NOTCH2: variants seen among roughly 807,000 people sequenced by gnomAD.
NOTCH2 encodes the protein notch receptor 2, also known as neurogenic locus notch homolog protein 2.
NOTCH2 carries 29 observed loss-of-function variants against 235.8 expected under a neutral mutation model. The ratio of observed to expected loss-of-function variants is 0.12; its 90% confidence interval spans 0.09 to 0.17. The LOEUF (loss-of-function observed/expected upper bound fraction) is 0.17, where lower values mean the gene tolerates loss of function less well. NOTCH2 is among the 10% of genes least tolerant of loss of function. The pLI, the probability that NOTCH2 is intolerant of heterozygous loss-of-function variation, is 1.00. For synonymous variants in NOTCH2, 1,086 were observed against 1,141.5 expected, an observed-to-expected ratio of 0.95 and a Z score of 0.98; for missense variants, 2,285 against 3,150.2, an observed-to-expected ratio of 0.73 and a Z score of 6.57.
At chr1:120,014,125 T>C (rs1183276659) in intron 2 of NOTCH2, among the ~76,000 whole-genome samples, 3 of 152,136 alleles carry the variant, frequency 2.0e-5, no homozygotes, top group African/African-American at 4.8e-5. Flanking sequence ...TACTCTCTCT[T>C]CTCTAGCATT....
chr1:120,042,047 TC>T (rs1362109545), intron 1 of NOTCH2, among the ~76,000 whole-genome samples: 4 of 135,666 alleles, frequency 2.9e-5, no homozygotes, highest in Non-Finnish European at 6.2e-5. Flanking sequence ...ACCTTCCATT[TC>T]ATCTGCTTTG....
chr1:119,998,685 T>TTTA (rs758113130), intron 3 of NOTCH2, among the ~76,000 whole-genome samples: 459 of 150,038 alleles, frequency 3.1e-3, no homozygotes, highest in African/African-American at 8.3e-3. Flanking sequence ...TCCTTGAATT[T>TTTA]TTATTATTAT....
chr1:120,014,388 A>G (rs1274045275), intron 2 of NOTCH2, among the ~76,000 whole-genome samples: 3 of 152,264 alleles, frequency 2.0e-5, no homozygotes, highest in South Asian at 2.1e-4. Context: ...CACGGGCAAC[A>G]TGGTGAGAAC....
rs974114448 is a variant in NOTCH2 at position 119,922,220 on chromosome 1, T to G, written c.5213+16A>C. 3 of 1,612,362 alleles carry G rather than the reference T, an allele frequency of 1.9e-6. No homozygotes were observed. The highest frequency in any genetic ancestry group is 2.5e-6 in the Non-Finnish European group (3 of 1,178,934). The stretch of plus-strand genomic sequence containing the variant: ...ACTTATACTGTGAATAGTGGCTTAT[T>G]GGCAATGCCTCTTACTTCAGCCCCA... On this transcript the variant is annotated intron_variant, in intron 28 of 33. Coordinates refer to ENST00000256646, the MANE Select transcript of NOTCH2 (RefSeq NM_024408.4).
chr1:119,924,990 C>CT (rs1203639760), intron 25 of NOTCH2, among the ~76,000 whole-genome samples: 1 of 152,178 alleles, frequency 6.6e-6, no homozygotes, highest in Non-Finnish European at 1.5e-5. Flanking sequence ...TCCATCCATC[C>CT]TGCAGGCAGG....
chr1:119,917,714 G>C lies in NOTCH2; in HGVS notation c.5978C>G (p.Thr1993Ser), dbSNP rs587652279. 25 of 1,613,964 alleles carry C rather than the reference G, an allele frequency of 1.5e-5. 1 individual carries two copies. In the South Asian group the frequency reaches 2.6e-4, roughly 17 times the overall value. The change falls in exon 33 of 34, where the codon ACT becomes AGT. Residue 1993 changes from threonine to serine, a missense_variant. By Grantham distance (58) the Thr-to-Ser change is moderately conservative (BLOSUM62 1). Transcript: ENST00000256646. ...WAAAVNNVEA[T>S]LLLLKNGANR... ...GGCCCCATTTTTCAACAACAAAAGA[G>C]TTGCCTCCACATTATTGACAGCAGC... is the stretch of plus-strand genomic sequence containing the variant.
At chr1:119,921,900 G>A in intron 28 of NOTCH2, 91 bp from the exon 29 acceptor site, 1 of 1,103,880 alleles carries the variant, frequency 9.1e-7, no homozygotes, top group Non-Finnish European at 1.4e-6. Context: ...CACTCCCGTG[G>A]CTATATTACA....
At chr1:120,009,719 T>G (rs1487969926) in intron 2 of NOTCH2, among the ~76,000 whole-genome samples, 6 of 148,462 alleles carry the variant, frequency 4.0e-5, no homozygotes. Flanking sequence ...TGCTAACCAC[T>G]CCACGCACCG....
intron 1 of NOTCH2, among the ~76,000 whole-genome samples, chr1:120,045,871 G>A (rs1162654358): frequency 6.6e-6 from 1 of 152,280 alleles, no homozygotes; most frequent in Non-Finnish European, 1.5e-5. Context: ...TTAGGTGTGT[G>A]TACCCCAGAA....
intron 4 of NOTCH2, chr1:119,996,224 C>T: frequency 5.7e-6 from 1 of 175,966 alleles, no homozygotes; most frequent in South Asian, 1.2e-4. Flanking sequence ...TCTCCCTCTC[C>T]ATGGAACACC....
chr1:119,962,375 T>C (rs1650970352), intron 11 of NOTCH2, among the ~76,000 whole-genome samples: 1 of 152,250 alleles, frequency 6.6e-6, no homozygotes, highest in African/African-American at 2.4e-5. Context: ...ATTTCTCATG[T>C]CTGAGGAACA....
chr1:120,040,773 C>CAAT (rs1422216858), intron 1 of NOTCH2, among the ~76,000 whole-genome samples: 17 of 149,990 alleles, frequency 1.1e-4, no homozygotes, highest in African/African-American at 4.2e-4. Context: ...CGCGGTGGCT[C>CAAT]ATGTCTTTAA....
At position 120,005,441 on chromosome 1, in the gene NOTCH2, G is replaced by A. The variant is rs2101242575; in HGVS notation, c.303C>T (p.Cys101=). The A allele has an allele frequency of 2.5e-6, 4 of 1,613,976 alleles. No individual in the cohort carries two copies. The highest frequency in any genetic ancestry group is 3.4e-6 in the Non-Finnish European group (4 of 1,179,858). ...AGCATGGATGAGATGTTGAGTACTG[G>A]CAGTCCTCTCCTGTAAACCCTGAGG... ...RCASGFTGED[C]QYSTSHPCFV... Residue 101 remains cysteine, a synonymous_variant, in exon 3 of 34, where the codon TGC becomes TGT. Coordinates refer to ENST00000256646, the MANE Select transcript of NOTCH2 (RefSeq NM_024408.4).
At chr1:120,025,031 C>T (rs1474631972) in intron 2 of NOTCH2, among the ~76,000 whole-genome samples, 1 of 151,564 alleles carries the variant, frequency 6.6e-6, no homozygotes, top group East Asian at 1.9e-4. Context: ...GAAGGTACAC[C>T]CCAGTTCATG....
intron 25 of NOTCH2, among the ~76,000 whole-genome samples, chr1:119,924,701 T>G (rs1213286767): frequency 1.3e-5 from 2 of 152,206 alleles, no homozygotes; most frequent in African/African-American, 4.8e-5. Context: ...AAGAAACAAC[T>G]TGCTTTGGCA....
chr1:119,916,756 T>TC, intron 33 of NOTCH2, 62 bp from the exon 34 acceptor site: 2 of 1,544,998 alleles, frequency 1.3e-6, no homozygotes, highest in Non-Finnish European at 1.8e-6. Context: ...TAGCAGTTTT[T>TC]CTCAATCTTT....
chr1:119,977,412 C>T (rs782784915), intron 5 of NOTCH2, among the ~76,000 whole-genome samples: 2 of 152,146 alleles, frequency 1.3e-5, no homozygotes, highest in Non-Finnish European at 2.9e-5. Context: ...CCTTCAACTA[C>T]GCCTCAAGGG....
rs778180468 is a variant in NOTCH2 at position 119,916,299 on chromosome 1, C to G, written c.6423G>C (p.Leu2141=). 3.7e-6 allele frequency: 6 copies of G among 1,614,100 alleles called. No individual in the cohort carries two copies. Among genetic ancestry groups the G allele is most frequent in the East Asian group, 4.5e-5 (2 of 44,888 alleles). ...GGGATAAAGTTACTGAACTCTCAGA[C>G]AGTTGGACCTTCTCACTCAGAGACT... The part of the protein sequence containing the change: ...RKKSLSEKVQ[L]SESSVTLSPV... Residue 2141 remains leucine, a synonymous_variant, in exon 34 of 34, where the codon CTG becomes CTC. Transcript: ENST00000256646.
chr1:119,958,708 G>A (rs1650805649), intron 12 of NOTCH2, among the ~76,000 whole-genome samples: 1 of 115,128 alleles, frequency 8.7e-6, no homozygotes, highest in African/African-American at 3.7e-5. Context: ...AGTAAAGAGA[G>A]AGAAGATGTG....
Sources: gnomAD v4.1 joint callset for allele counts (sites outside exome capture counted in the v4.1 genomes callset) on GRCh38, gnomAD v4.1.1 for gene constraint, MANE v1.5 for transcripts, NCBI Gene and HGNC (gene_info 2026-07-23, HGNC 2026-07-21) for gene names.